Variants in SYNE2 observed in about 807,000 individuals in gnomAD.
SYNE2 encodes spectrin repeat containing nuclear envelope protein 2, also known as nesprin-2.
SYNE2 carries 431 observed loss-of-function variants against 856.3 expected under a neutral mutation model. The observed-to-expected ratio is 0.50, with a 90% CI of 0.47 to 0.55. The LOEUF (loss-of-function observed/expected upper bound fraction) is 0.55. Among genes scored for constraint, SYNE2 ranks in the 20% least tolerant of loss-of-function variants. The probability of loss-of-function intolerance (pLI) is 0.00; values close to 1 mark genes in which losing one functional copy is unlikely to be tolerated. For missense variants in SYNE2, 8,129 were observed against 8,023.2 expected (o/e 1.01, Z -0.50); for synonymous variants, 2,923 against 2,872.3 (o/e 1.02, Z -0.56).
chr14:64,207,968 G>A, intron 100 of SYNE2: 1 of 455,918 alleles, frequency 2.2e-6, no homozygotes, highest in Non-Finnish European at 4.4e-6. Context: ...CCCACCCATG[G>A]GGTACAGCAG....
intron 1 of SYNE2, among the ~76,000 whole-genome samples, chr14:63,897,605 C>T (rs915017930): frequency 6.6e-6 from 1 of 152,166 alleles, no homozygotes; most frequent in African/African-American, 2.4e-5. Context: ...TTGCTGAGCC[C>T]TCCTGGGCCA....
intron 1 of SYNE2, among the ~76,000 whole-genome samples, chr14:63,820,708 A>T (rs1393053253): frequency 1.3e-5 from 2 of 151,570 alleles, no homozygotes; most frequent in African/African-American, 2.4e-5. Flanking sequence ...TTGTTTTGGG[A>T]TGGATGAGCT....
intron 31 of SYNE2, 37 bp downstream of exon 31, chr14:64,007,259 A>G: frequency 6.3e-7 from 1 of 1,597,400 alleles, no homozygotes; most frequent in Non-Finnish European, 8.6e-7. Context: ...AATCTGAAAA[A>G]TTGTCTGTAG....
chr14:63,866,561 A>G (rs1895383667), intron 1 of SYNE2, among the ~76,000 whole-genome samples: 1 of 152,212 alleles, frequency 6.6e-6, no homozygotes, highest in Non-Finnish European at 1.5e-5. Flanking sequence ...TACAGTGCAA[A>G]AAAAGTGAAA....
intron 9 of SYNE2, 31 bp from the exon 10 acceptor site, chr14:63,963,868 T>C: frequency 6.5e-7 from 1 of 1,532,158 alleles, no homozygotes; most frequent in Non-Finnish European, 9.0e-7. Context: ...CCGTTTAAAA[T>C]ATAGTTTAAT....
At chr14:63,857,639 CT>C (rs1892191258) in intron 1 of SYNE2, among the ~76,000 whole-genome samples, 1 of 152,082 alleles carries the variant, frequency 6.6e-6, no homozygotes, top group Admixed American at 6.6e-5. Context: ...GGTGGTTAGG[CT>C]TTTATAGCCA....
intron 36 of SYNE2, 128 bp downstream of exon 36, chr14:64,021,643 T>C: frequency 7.9e-7 from 1 of 1,258,696 alleles, no homozygotes; most frequent in Non-Finnish European, 1.1e-6. Context: ...AAAACCGCTT[T>C]TGTATATTTA....
Position 63,982,732 on chromosome 14 carries a change from A to G in SYNE2, c.1939A>G (p.Ile647Val), listed in dbSNP as rs1013992818. The G allele has an allele frequency of 5.6e-6, 9 of 1,614,066 alleles. No individual in the cohort carries two copies. The highest frequency in any genetic ancestry group is 2.2e-5 in the South Asian group (2 of 91,082). The stretch of plus-strand genomic sequence containing the variant: ...CAGCAATGATGTGGTTGGATCATCT[A>G]TTTCTAAAGAACTGAGAAGGCTGAA... Reference protein sequence around the residue: ...EVSNDVVGSSISKELRRLNKR... With the variant: ...EVSNDVVGSSVSKELRRLNKR... Residue 647 changes from isoleucine (I) to valine (V), a missense_variant, in exon 17 of 116, where the codon ATT becomes GTT. Coordinates refer to ENST00000555002, the MANE Select transcript of SYNE2 (RefSeq NM_182914.3).
In SYNE2 at chr14:64,004,263, C is replaced by T. The variant is rs192940991; in HGVS notation, c.4397+933C>T. ...ATTGGCCAGGATGGTCTTAATCTCT[C>T]GACCTCGTGATCCACCTGCCTTGGC... On this transcript the variant is annotated intron_variant, in intron 30 of 115. Coordinates refer to ENST00000555002, the MANE Select transcript of SYNE2 (RefSeq NM_182914.3). Among the ~76,000 whole-genome samples, 341 of 148,462 alleles carry T rather than the reference C, an allele frequency of 2.3e-3. 3 individuals carry two copies. Among genetic ancestry groups the T allele is most frequent in the African/African-American group, 8.3e-3 (333 of 39,972 alleles).
chr14:63,948,127 A>T (rs1200154802), intron 6 of SYNE2, among the ~76,000 whole-genome samples: 1 of 149,530 alleles, frequency 6.7e-6, no homozygotes, highest in African/African-American at 2.5e-5. Context: ...CAGTTTTCAC[A>T]CGTGTGCGTG....
chr14:63,835,566 C>CAT (rs1889823863), intron 1 of SYNE2, among the ~76,000 whole-genome samples: 2 of 149,360 alleles, frequency 1.3e-5, no homozygotes, highest in African/African-American at 4.9e-5. Flanking sequence ...TAGATATTTG[C>CAT]GTGTGTGTGT....
chr14:63,930,544 T>TC (rs1428939315), intron 2 of SYNE2, among the ~76,000 whole-genome samples: 3 of 151,278 alleles, frequency 2.0e-5, no homozygotes, highest in African/African-American at 7.3e-5. Flanking sequence ...TTTTTTTTTT[T>TC]TTTTTTAAAG....
At chr14:63,895,009 G>GGCC (rs2095221410) in intron 1 of SYNE2, among the ~76,000 whole-genome samples, 3 of 152,166 alleles carry the variant, frequency 2.0e-5, no homozygotes, top group South Asian at 2.1e-4. Context: ...CCTCTTCCTA[G>GGCC]AGCTTACAGC....
chr14:63,920,010 T>C (rs1293856617), intron 2 of SYNE2, among the ~76,000 whole-genome samples: 3 of 138,358 alleles, frequency 2.2e-5, no homozygotes, highest in African/African-American at 8.9e-5. Context: ...AGGTACTATT[T>C]CATTTCTTGT....
chr14:63,913,653 G>A (rs1211940110), intron 2 of SYNE2, among the ~76,000 whole-genome samples: 2 of 150,890 alleles, frequency 1.3e-5, no homozygotes, highest in African/African-American at 4.9e-5. Context: ...AGTAGAGAGG[G>A]GATTTCACCA....
At chr14:64,095,719 A>G (rs2097671084) in intron 61 of SYNE2, among the ~76,000 whole-genome samples, 1 of 152,190 alleles carries the variant, frequency 6.6e-6, no homozygotes, top group Non-Finnish European at 1.5e-5. Context: ...GAAGTGCCAT[A>G]TGCATACTTT....
intron 14 of SYNE2, among the ~76,000 whole-genome samples, chr14:63,980,227 G>A (rs1351513387): frequency 2.6e-5 from 4 of 152,098 alleles, no homozygotes; most frequent in Admixed American, 6.5e-5. Flanking sequence ...AAATGTTTTT[G>A]TGTGATGGAT....
chr14:64,151,859 T>G (rs2098247148), intron 84 of SYNE2, among the ~76,000 whole-genome samples: 1 of 152,208 alleles, frequency 6.6e-6, no homozygotes, highest in Non-Finnish European at 1.5e-5. Context: ...CCAAGTTGGA[T>G]TTCAACTGCA....
chr14:64,113,229 T>C (rs930418133), intron 65 of SYNE2, 112 bp from the exon 66 acceptor site: 2 of 1,580,056 alleles, frequency 1.3e-6, no homozygotes, highest in Admixed American at 3.6e-5. Context: ...TCTTCCTTCT[T>C]CTGTCCTGAT....
Sources: allele counts gnomAD v4.1 joint callset (sites outside exome capture counted in the v4.1 genomes callset), GRCh38; gene constraint gnomAD v4.1.1; transcripts MANE v1.5; gene names NCBI Gene and HGNC (gene_info 2026-07-23, HGNC 2026-07-21).